The following MYEF2 variants were observed in gnomAD, a reference collection of about 807,000 sequenced individuals.
MYEF2 encodes the protein myelin gene expression factor 2.
Under a neutral mutation model 75.2 loss-of-function variants are expected in MYEF2, and 37 were observed. That is an observed-to-expected ratio of 0.49 (90% CI 0.38 to 0.65). MYEF2 has a LOEUF of 0.65. Among genes scored for constraint, MYEF2 ranks in the 30% least tolerant of loss-of-function variants. The pLI is 0.00. For synonymous variants in MYEF2, 195 were observed against 241.6 expected (o/e 0.81, Z 1.79); for missense variants, 634 against 771.4 (o/e 0.82, Z 2.11).
intron 1 of MYEF2, 76 bp from the exon 2 acceptor site, chr15:48,168,915 T>A (rs1410692585): frequency 1.8e-6 from 2 of 1,132,050 alleles, no homozygotes; most frequent in African/African-American, 3.1e-5. Flanking sequence ...ATTAAATAAG[T>A]ATTCCATATT....
chr15:48,171,660 A>T (rs985897958), intron 1 of MYEF2, among the ~76,000 whole-genome samples: 9 of 152,164 alleles, frequency 5.9e-5, no homozygotes, highest in African/African-American at 1.9e-4. Context: ...TACAGGGATG[A>T]TCTAATTATT....
chr15:48,142,743 CA>C lies in MYEF2; in HGVS notation c.*164del, dbSNP rs1357511276. On this transcript the variant is annotated 3_prime_UTR_variant, in exon 17 of 17. Transcript: ENST00000324324. ...TTTAAAAACCCAAACTTGAGATTAA[CA>C]AAAATTACAGTATATTTTTAACATT... 4.6e-6 allele frequency: 3 copies of C among 657,702 alleles called. No individual in the cohort carries two copies. Among genetic ancestry groups the C allele is most frequent in the Non-Finnish European group, 7.0e-6 (3 of 426,648 alleles). The allele number at this position is 657,702 out of a possible 1,614,324, so 40.7% of individuals were successfully genotyped here.
chr15:48,165,318 T>G (rs563906486), intron 5 of MYEF2, among the ~76,000 whole-genome samples: 1 of 152,220 alleles, frequency 6.6e-6, no homozygotes, highest in South Asian at 2.1e-4. Flanking sequence ...TTCAAGCCAA[T>G]CATTCTCAAG....
intron 9 of MYEF2, 72 bp from the exon 10 acceptor site, chr15:48,153,965 A>G: frequency 1.6e-6 from 2 of 1,276,960 alleles, no homozygotes; most frequent in Admixed American, 4.3e-5. Context: ...AAATTTTTTA[A>G]AAAGCTATAT....
rs762636248 is a variant in MYEF2 at position 48,158,192 on chromosome 15, G to A, written c.904C>T (p.Pro302Ser). The change falls in exon 8 of 17, where the codon CCT becomes TCT. Residue 302 changes from proline (P) to serine (S), a missense_variant. By Grantham distance (74) the Pro-to-Ser change is moderately conservative (BLOSUM62 -1). Coordinates refer to ENST00000324324, the MANE Select transcript of MYEF2 (RefSeq NM_016132.5). ...GAACTCACCATTTTCACATGCATAG[G>A]TCTATCAAATAAAAACTGCCCATTG... is the stretch of plus-strand genomic sequence containing the variant. ...MFNGQFLFDR[P>S]MHVKMDDKSV... is the part of the protein sequence containing the mutation. 3 of 1,612,982 alleles carry A rather than the reference G, an allele frequency of 1.9e-6. No individual in the cohort carries two copies. The highest frequency in any genetic ancestry group is 1.7e-6 in the Non-Finnish European group (2 of 1,179,346).
At chr15:48,160,683 T>A (rs1017311433) in intron 5 of MYEF2, among the ~76,000 whole-genome samples, 2 of 19,496 alleles carry the variant, frequency 1.0e-4, no homozygotes, top group Non-Finnish European at 3.1e-3. Context: ...TAGGCTAAGA[T>A]GAAGTGTAAA....
At position 48,140,869 on chromosome 15, in the gene MYEF2, C is replaced by A; in HGVS notation, c.*2039G>T. 1 of 355,644 alleles carries A rather than the reference C, an allele frequency of 2.8e-6. No individual in the cohort carries two copies. The allele number at this position is 355,644 out of a possible 1,614,324, so 22.0% of individuals were successfully genotyped here. Reference sequence around the variant, plus strand: ...ATCAAACAGGAAAATTTCTCACTGGCAGAATTTTAGCTGTTACGTATCTTT... The same window carrying A: ...ATCAAACAGGAAAATTTCTCACTGGAAGAATTTTAGCTGTTACGTATCTTT... On this transcript the variant is annotated 3_prime_UTR_variant, in exon 17 of 17. Transcript: ENST00000324324.
At chr15:48,174,435 A>G (rs2040446103) in intron 1 of MYEF2, among the ~76,000 whole-genome samples, 1 of 152,014 alleles carries the variant, frequency 6.6e-6, no homozygotes, top group Non-Finnish European at 1.5e-5. Flanking sequence ...AGACAACACA[A>G]ACAAAAGTAA....
At chr15:48,148,996 C>A in intron 16 of MYEF2, 36 bp downstream of exon 16, 3 of 1,606,888 alleles carry the variant, frequency 1.9e-6, no homozygotes, top group South Asian at 1.1e-5. Flanking sequence ...CCTCCATAAT[C>A]AATATCAACA....
At chr15:48,176,118 T>C (rs2040506393) in intron 1 of MYEF2, among the ~76,000 whole-genome samples, 2 of 152,014 alleles carry the variant, frequency 1.3e-5, no homozygotes, top group African/African-American at 4.8e-5. Context: ...TATGGTAATT[T>C]TTATAATCAA....
At chr15:48,176,852 C>T (rs1477076998) in intron 1 of MYEF2, among the ~76,000 whole-genome samples, 1 of 152,172 alleles carries the variant, frequency 6.6e-6, no homozygotes, top group Non-Finnish European at 1.5e-5. Context: ...GGAATAAACT[C>T]CACTAAGTTC....
At position 48,168,741 on chromosome 15, in the gene MYEF2, T is replaced by C. The variant is rs750175242; in HGVS notation, c.260A>G (p.Lys87Arg). Residue 87 changes from lysine (K) to arginine (R), a missense_variant, in exon 2 of 17, where the codon AAG becomes AGG. Transcript: ENST00000324324. Reference protein sequence around the residue: ...ANRFHPYSKDKNSGAGEKKGP... With the variant: ...ANRFHPYSKDRNSGAGEKKGP... Reference sequence around the variant, plus strand: ...CTTCTTTTCTCCAGCGCCCGAATTCTTGTCTTTTGAATAAGGATGAAATCT... The same window carrying C: ...CTTCTTTTCTCCAGCGCCCGAATTCCTGTCTTTTGAATAAGGATGAAATCT... 1.9e-6 allele frequency: 3 copies of C among 1,613,774 alleles called. No homozygotes were observed. Among genetic ancestry groups the C allele is most frequent in the Middle Eastern group, 1.7e-4 (1 of 6,060 alleles).
At position 48,151,863 on chromosome 15, in the gene MYEF2, C is replaced by T. The variant is rs1168393000; in HGVS notation, c.1207+11G>A. 1 of 1,612,504 alleles carries T rather than the reference C, an allele frequency of 6.2e-7. No individual in the cohort carries two copies. Among genetic ancestry groups the T allele is most frequent in the African/African-American group, 1.3e-5 (1 of 74,824 alleles). On this transcript the variant is annotated intron_variant, in intron 12 of 16. Transcript: ENST00000324324. ...ATATGCACACACTTCCCACTGCATA[C>T]ATTTACCTACCTCCCATTCGGCCAA...
rs34619312 is a variant in MYEF2, at chr15:48,151,882, C to T, written c.1199G>A (p.Arg400Gln). 3.7e-6 allele frequency: 6 copies of T among 1,613,248 alleles called. No individual in the cohort carries two copies. Among genetic ancestry groups the T allele is most frequent in the African/African-American group, 1.3e-5 (1 of 74,850 alleles). The change falls in exon 12 of 17, where the codon CGA becomes CAA. Residue 400 changes from arginine (R) to glutamine (Q), a missense_variant. Coordinates refer to ENST00000324324, the MANE Select transcript of MYEF2 (RefSeq NM_016132.5). Reference sequence around the variant, plus strand: ...TGCATACATTTACCTACCTCCCATTCGGCCAACTCCTCCAAATCCTCCCAT... The same window carrying T: ...TGCATACATTTACCTACCTCCCATTTGGCCAACTCCTCCAAATCCTCCCAT... ...NSMGGFGGVG[R>Q]MGELYRGAMT...
chr15:48,144,055 T>C (rs949823497), intron 16 of MYEF2, among the ~76,000 whole-genome samples: 4 of 152,010 alleles, frequency 2.6e-5, no homozygotes, highest in Admixed American at 1.3e-4. Flanking sequence ...TAGATGTACA[T>C]GTCAAAACAA....
intron 16 of MYEF2, among the ~76,000 whole-genome samples, chr15:48,144,803 G>C (rs1394522756): frequency 1.3e-5 from 2 of 151,736 alleles, no homozygotes; most frequent in African/African-American, 4.8e-5. Context: ...CAGTTATTTT[G>C]AAAAGAACTG....
intron 1 of MYEF2, among the ~76,000 whole-genome samples, chr15:48,171,448 T>C (rs2040337944): frequency 6.6e-6 from 1 of 152,042 alleles, no homozygotes; most frequent in Admixed American, 6.6e-5. Flanking sequence ...AACAGTAACA[T>C]TATATATAAT....
In MYEF2 at chr15:48,149,198, T is replaced by C. The variant is rs2039399319; in HGVS notation, c.1552A>G (p.Ile518Val). The C allele has an allele frequency of 6.2e-7, 1 of 1,613,314 alleles. No homozygotes were observed. The highest frequency in any genetic ancestry group is 8.5e-7 in the Non-Finnish European group (1 of 1,179,468). Residue 518 changes from isoleucine (I) to valine (V), a missense_variant, in exon 15 of 17, where the codon ATA (isoleucine) becomes GTA (valine). Coordinates refer to ENST00000324324, the MANE Select transcript of MYEF2 (RefSeq NM_016132.5). This position sits in a 1 kb window ranked among gnomAD's most constrained non-coding sequence, Gnocchi z 4.0. ...AATATCTGGTTGCCTTTGGAGCCTA[T>C]TCTCTCTCTCATTCCGCTTCCCATT... The part of the protein sequence containing the change: ...GPMGSGMRER[I>V]GSKGNQIFVR...
intron 1 of MYEF2, among the ~76,000 whole-genome samples, chr15:48,172,237 T>C (rs1436208475): frequency 6.6e-6 from 1 of 152,044 alleles, no homozygotes; most frequent in Non-Finnish European, 1.5e-5. Flanking sequence ...CCGTCTCTAC[T>C]AAAAATACAA....
Sources: gnomAD v4.1 joint callset for allele counts (sites outside exome capture counted in the v4.1 genomes callset) on GRCh38, gnomAD v4.1.1 for gene constraint, Gnocchi (gnomAD v3.1) non-coding constraint, MANE v1.5 for transcripts, NCBI Gene and HGNC (gene_info 2026-07-23, HGNC 2026-07-21) for gene names.